The following PRKN variants were observed in gnomAD, a reference collection of about 807,000 sequenced individuals.
PRKN encodes the protein E3 ubiquitin-protein ligase parkin.
PRKN carries 56 observed loss-of-function variants against 59.5 expected under a neutral mutation model. The observed-to-expected ratio is 0.94, with a 90% CI of 0.76 to 1.18. The LOEUF is 1.18. PRKN is among the 50% of genes most tolerant of loss of function. The pLI, the probability that PRKN is intolerant of heterozygous loss-of-function variation, is 0.00. For synonymous variants in PRKN, 250 were observed against 222.1 expected (o/e 1.13, Z -1.12); for missense variants, 657 against 596.4 (o/e 1.10, Z -1.06).
chr6:161,734,027 A>C (rs1372886299), intron 7 of PRKN, among the ~76,000 whole-genome samples: 3 of 151,288 alleles, frequency 2.0e-5, no homozygotes, highest in Non-Finnish European at 4.4e-5. Flanking sequence ...TGGAAAAAAG[A>C]ACACAACACA....
At chr6:161,820,703 CATAA>C (rs1347581444) in intron 6 of PRKN, among the ~76,000 whole-genome samples, 8 of 147,110 alleles carry the variant, frequency 5.4e-5, no homozygotes, top group Admixed American at 4.8e-4. Flanking sequence ...AAATTTTATG[CATAA>C]ATAAAATTAT....
At chr6:162,219,176 G>C (rs1289271942) in intron 3 of PRKN, among the ~76,000 whole-genome samples, 1 of 152,130 alleles carries the variant, frequency 6.6e-6, no homozygotes, top group Non-Finnish European at 1.5e-5. Context: ...GGGTAACAGA[G>C]AGAGTTCTTG....
chr6:162,446,508 T>A (rs1430319400), intron 1 of PRKN, among the ~76,000 whole-genome samples: 8 of 152,176 alleles, frequency 5.3e-5, no homozygotes, highest in Admixed American at 3.3e-4. Context: ...CCTAAGTATA[T>A]ACAAGTTTTT....
rs1479594760 is a variant in PRKN, at chr6:161,487,299, C to T, written c.1083+61555G>A. Reference sequence around the variant, plus strand: ...CAACTGCTCAGTGAAGGGGCTGGGACTCCCAGCACTTGCCTGGTTCAGATC... The same window carrying T: ...CAACTGCTCAGTGAAGGGGCTGGGATTCCCAGCACTTGCCTGGTTCAGATC... On this transcript the variant is annotated intron_variant, in intron 9 of 11. Coordinates refer to ENST00000366898, the MANE Select transcript of PRKN (RefSeq NM_004562.3). The surrounding 1 kb of genome is among the most constrained non-coding windows in gnomAD (Gnocchi z 5.3). 6.6e-6 allele frequency among the ~76,000 whole-genome samples: 1 copy of T among 152,170 alleles called. No individual in the cohort carries two copies. Among genetic ancestry groups the T allele is most frequent in the Non-Finnish European group, 1.5e-5 (1 of 68,028 alleles).
At chr6:162,204,460 A>T (rs1053780552) in intron 3 of PRKN, among the ~76,000 whole-genome samples, 2 of 152,164 alleles carry the variant, frequency 1.3e-5, no homozygotes, top group Non-Finnish European at 2.9e-5. Context: ...TTCTCAGAAA[A>T]AAACAATTTA....
Position 161,460,151 on chromosome 6 carries a change from A to G in PRKN, c.1084-73274T>C, listed in dbSNP as rs1020176702. Among the ~76,000 whole-genome samples the G allele has an allele frequency of 3.3e-5, 5 of 152,226 alleles. No individual in the cohort carries two copies. The highest frequency in any genetic ancestry group is 1.3e-4 in the Admixed American group (2 of 15,284). ...TACCCTCAATAAGTCATCTGCTTAG[A>G]GGACAGATTTTGGTGGTAATACAAC... is the stretch of plus-strand genomic sequence containing the variant. On this transcript the variant is annotated intron_variant, in intron 9 of 11. Coordinates refer to ENST00000366898, the MANE Select transcript of PRKN (RefSeq NM_004562.3). This position sits in a 1 kb window ranked among gnomAD's most constrained non-coding sequence, Gnocchi z 5.0.
At chr6:162,142,362 A>T (rs1011306991) in intron 4 of PRKN, among the ~76,000 whole-genome samples, 2 of 152,132 alleles carry the variant, frequency 1.3e-5, no homozygotes, top group African/African-American at 4.8e-5. Flanking sequence ...TCTGCCAGGT[A>T]CTTGATGTAT....
intron 7 of PRKN, among the ~76,000 whole-genome samples, chr6:161,570,582 T>C (rs559432751): frequency 6.6e-6 from 1 of 152,034 alleles, no homozygotes; most frequent in East Asian, 1.9e-4. Flanking sequence ...ACTTAATGGA[T>C]AGTTAATACA....
At chr6:162,652,578 T>C (rs1356180987) in intron 1 of PRKN, among the ~76,000 whole-genome samples, 1 of 152,148 alleles carries the variant, frequency 6.6e-6, no homozygotes, top group Non-Finnish European at 1.5e-5. Context: ...CAACACAATA[T>C]AAGGTCAAAA....
Position 161,545,790 on chromosome 6 carries a change from A to T in PRKN, c.1083+3064T>A, listed in dbSNP as rs1779773618. Among the ~76,000 whole-genome samples, 1 of 152,228 alleles carries T rather than the reference A, an allele frequency of 6.6e-6. No homozygotes were observed. The highest frequency in any genetic ancestry group is 6.5e-5 in the Admixed American group (1 of 15,280). Reference sequence around the variant, plus strand: ...GGAAAACCTTATCAGCTGGTTTAACATCCTTAAAGGCAACTTTCCTCAGGA... The same window carrying T: ...GGAAAACCTTATCAGCTGGTTTAACTTCCTTAAAGGCAACTTTCCTCAGGA... On this transcript the variant is annotated intron_variant, in intron 9 of 11. Coordinates refer to ENST00000366898, the MANE Select transcript of PRKN (RefSeq NM_004562.3). The surrounding 1 kb of genome is among the most constrained non-coding windows in gnomAD (Gnocchi z 4.1).
At chr6:162,461,023 T>A (rs1042534961) in intron 1 of PRKN, among the ~76,000 whole-genome samples, 3 of 152,158 alleles carry the variant, frequency 2.0e-5, no homozygotes, top group African/African-American at 7.2e-5. Context: ...CAATTCTTAC[T>A]GTCAACAAAT....
At chr6:162,667,697 AG>A (rs1779154070) in intron 1 of PRKN, among the ~76,000 whole-genome samples, 1 of 152,112 alleles carries the variant, frequency 6.6e-6, no homozygotes, top group South Asian at 2.1e-4. Context: ...TAGCATACAC[AG>A]GGCATAGTAA....
At chr6:162,530,299 CT>C (rs990758969) in intron 1 of PRKN, among the ~76,000 whole-genome samples, 6 of 152,104 alleles carry the variant, frequency 3.9e-5, no homozygotes, top group Non-Finnish European at 8.8e-5. Context: ...TGAAAACTTG[CT>C]GTAGGCAGCT....
At chr6:162,198,580 A>G (rs1337855984) in intron 4 of PRKN, among the ~76,000 whole-genome samples, 1 of 152,160 alleles carries the variant, frequency 6.6e-6, no homozygotes, top group Non-Finnish European at 1.5e-5. Flanking sequence ...AAATGAGCTA[A>G]TCTGCACAAA....
intron 6 of PRKN, among the ~76,000 whole-genome samples, chr6:161,807,882 G>A (rs955320735): frequency 6.6e-6 from 1 of 152,118 alleles, no homozygotes; most frequent in Non-Finnish European, 1.5e-5. Flanking sequence ...CAGAGATTAG[G>A]GCCCAACATC....
At chr6:162,206,123 C>T (rs987049199) in intron 3 of PRKN, among the ~76,000 whole-genome samples, 2 of 152,088 alleles carry the variant, frequency 1.3e-5, no homozygotes, top group Non-Finnish European at 2.9e-5. Flanking sequence ...AAAAGGTTCT[C>T]GCCATCATGT....
chr6:162,244,934 A>C (rs1423212530), intron 3 of PRKN, among the ~76,000 whole-genome samples: 1 of 152,136 alleles, frequency 6.6e-6, no homozygotes, highest in East Asian at 1.9e-4. Flanking sequence ...TATGGCCCTA[A>C]GAGATAATGT....
intron 2 of PRKN, among the ~76,000 whole-genome samples, chr6:162,374,398 T>C (rs1194551512): frequency 6.6e-6 from 1 of 151,842 alleles, no homozygotes; most frequent in Admixed American, 6.6e-5. Flanking sequence ...TAGTTTTTTT[T>C]TTTTTTTAAG....
intron 6 of PRKN, among the ~76,000 whole-genome samples, chr6:161,950,286 T>C (rs1346044102): frequency 6.6e-6 from 1 of 152,184 alleles, no homozygotes; most frequent in East Asian, 1.9e-4. Flanking sequence ...GGCTTATGCC[T>C]GTAATCCCAG....
Sources: allele counts gnomAD v4.1 joint callset (sites outside exome capture counted in the v4.1 genomes callset), GRCh38; gene constraint gnomAD v4.1.1; non-coding constraint Gnocchi (gnomAD v3.1); transcripts MANE v1.5; gene names NCBI Gene and HGNC (gene_info 2026-07-23, HGNC 2026-07-21).